The following REEP5 variants were observed in gnomAD, a reference collection of about 807,000 sequenced individuals.
REEP5 encodes receptor accessory protein 5.
REEP5 carries 24 observed loss-of-function variants against 22.4 expected under a neutral mutation model. The ratio of observed to expected loss-of-function variants is 1.07; its 90% CI spans 0.78 to 1.51. REEP5 has a LOEUF of 1.51. Among genes scored for constraint, REEP5 ranks in the 40% most tolerant of loss-of-function variants. REEP5 has a pLI of 0.00. For synonymous variants in REEP5, 103 were observed against 88.6 expected (o/e 1.16, Z -0.92); for missense variants, 252 against 233.0 (o/e 1.08, Z -0.53).
At position 112,902,365 on chromosome 5, in the gene REEP5, G is replaced by T. The variant is rs1348243431; in HGVS notation, c.351+15C>A. The T allele has an allele frequency of 6.3e-7, 1 of 1,599,880 alleles. No homozygotes were observed. On this transcript the variant is annotated intron_variant, in intron 3 of 4. Transcript: ENST00000379638. ...GTACTGAGATGGAGTTTTAGTGGTA[G>T]CAAGACCAACATACCTTCAGCATGT...
At chr5:112,914,821 C>CA (rs1326027193) in intron 2 of REEP5, among the ~76,000 whole-genome samples, 1 of 152,176 alleles carries the variant, frequency 6.6e-6, no homozygotes, top group Non-Finnish European at 1.5e-5. Flanking sequence ...ACACATGACT[C>CA]AGAGTGACTG....
chr5:112,905,566 AC>A (rs886966293), intron 2 of REEP5, among the ~76,000 whole-genome samples: 1 of 150,514 alleles, frequency 6.6e-6, no homozygotes, highest in African/African-American at 2.5e-5. Flanking sequence ...CAAAAAAAAA[AC>A]AAACTTGAGG....
At chr5:112,890,254 C>T (rs1768395450) in intron 3 of REEP5, among the ~76,000 whole-genome samples, 1 of 149,938 alleles carries the variant, frequency 6.7e-6, no homozygotes, top group Admixed American at 6.7e-5. Context: ...ACCATCACTG[C>T]AATCCAGGCT....
At chr5:112,891,949 T>C (rs781103889) in intron 3 of REEP5, 8 of 1,247,444 alleles carry the variant, frequency 6.4e-6, no homozygotes, top group Non-Finnish European at 2.4e-6. Context: ...GGCTAAAAAA[T>C]GGCTAGAAGA....
intron 2 of REEP5, among the ~76,000 whole-genome samples, chr5:112,918,051 C>A (rs1274974018): frequency 2.0e-5 from 3 of 152,218 alleles, no homozygotes; most frequent in Admixed American, 6.5e-5. Context: ...TTCCAGTAGT[C>A]TGCCTCCTGT....
intron 4 of REEP5, among the ~76,000 whole-genome samples, chr5:112,883,565 G>A (rs1768140712): frequency 6.6e-6 from 1 of 152,090 alleles, no homozygotes; most frequent in East Asian, 1.9e-4. Context: ...TTCAGTCTTT[G>A]GACCTCCTGT....
chr5:112,890,549 T>G (rs1244874202), intron 3 of REEP5, among the ~76,000 whole-genome samples: 1 of 150,082 alleles, frequency 6.7e-6, no homozygotes, highest in African/African-American at 2.5e-5. Context: ...GGCTAATTTT[T>G]GTACTTTTTG....
At chr5:112,914,694 G>A (rs544239020) in intron 2 of REEP5, among the ~76,000 whole-genome samples, 40 of 152,254 alleles carry the variant, frequency 2.6e-4, no homozygotes, top group Admixed American at 1.2e-3. Context: ...AACAACCTAA[G>A]CTGCCTTTTC....
At position 112,876,979 on chromosome 5, in the gene REEP5, G is replaced by C. The variant is rs1005848868; in HGVS notation, c.*1807C>G. 1 of 151,780 alleles carries C rather than the reference G, an allele frequency of 6.6e-6. No homozygotes were observed. Among genetic ancestry groups the C allele is most frequent in the African/African-American group, 2.4e-5 (1 of 41,330 alleles). 9.4% of individuals were successfully genotyped at this position (151,780 alleles called of 1,614,324 possible). ...ATCTGATTATATAGTCTATATGCTA[G>C]AAGTTGCTGATTTTCATTCTGCCAC... is the stretch of plus-strand genomic sequence containing the variant. On this transcript the variant is annotated 3_prime_UTR_variant, in exon 5 of 5. Transcript: ENST00000379638.
chr5:112,888,186 T>G (rs1768319596), intron 3 of REEP5, among the ~76,000 whole-genome samples: 1 of 152,246 alleles, frequency 6.6e-6, no homozygotes, highest in South Asian at 2.1e-4. Flanking sequence ...TTAGTCCTTA[T>G]GATTCCAAAC....
rs1767966449 is a variant in REEP5, at chr5:112,878,556, A to G, written c.*230T>C. On this transcript the variant is annotated 3_prime_UTR_variant, in exon 5 of 5. Coordinates refer to ENST00000379638, the MANE Select transcript of REEP5 (RefSeq NM_005669.5). ...ACATCTTTTCCTACCCAGAGGCAAA[A>G]TACATTTTCCAAAAACGTGGACACT... 1 of 531,138 alleles carries G rather than the reference A, an allele frequency of 1.9e-6. No individual in the cohort carries two copies. The highest frequency in any genetic ancestry group is 3.5e-5 in the South Asian group (1 of 28,178). The allele number at this position is 531,138 out of a possible 1,614,324, so 32.9% of individuals were successfully genotyped here.
intron 2 of REEP5, among the ~76,000 whole-genome samples, chr5:112,912,325 T>C (rs1769122721): frequency 1.3e-5 from 2 of 152,132 alleles, no homozygotes; most frequent in Admixed American, 1.3e-4. Flanking sequence ...TGACATAAAA[T>C]TAAGTAATAG....
At chr5:112,897,351 T>TCACACACGCACACA (rs1554093939) in intron 3 of REEP5, 1 of 97,790 alleles carries the variant, frequency 1.0e-5, no homozygotes, top group East Asian at 2.4e-4. Context: ...ACACATCCCA[T>TCACACACGCACACA]CACACACACA....
At chr5:112,921,894 C>G (rs151980) in intron 1 of REEP5, 179 bp downstream of exon 1, 326,254 of 713,424 alleles carry the variant, frequency 0.46, 77,798 homozygotes, top group African/African-American at 0.7. Flanking sequence ...GGGCAGCCCC[C>G]GCGGGGTCCT....
intron 3 of REEP5, among the ~76,000 whole-genome samples, chr5:112,889,622 T>C (rs753412272): frequency 8.6e-5 from 13 of 150,566 alleles, no homozygotes; most frequent in Non-Finnish European, 7.4e-5. Context: ...CTTTGAAATA[T>C]TTAAATGTAA....
chr5:112,905,986 C>T (rs1768949639), intron 2 of REEP5, among the ~76,000 whole-genome samples: 1 of 152,146 alleles, frequency 6.6e-6, no homozygotes, highest in Non-Finnish European at 1.5e-5. Flanking sequence ...GATTCTCCAA[C>T]AAAACACTCT....
At chr5:112,921,083 C>A in intron 2 of REEP5, 80 bp downstream of exon 2, 1 of 1,353,514 alleles carries the variant, frequency 7.4e-7, no homozygotes. Context: ...CCGGGAATTG[C>A]GGATGTGCAG....
At position 112,878,791 on chromosome 5, in the gene REEP5, T is replaced by C. The variant is rs1191537240; in HGVS notation, c.565A>G (p.Thr189Ala). The change falls in exon 5 of 5, where the codon ACC (threonine) becomes GCC (alanine). Residue 189 changes from threonine (T) to alanine (A), a missense_variant. By Grantham distance (58) the Thr-to-Ala change is moderately conservative. Transcript: ENST00000379638. The stretch of plus-strand genomic sequence containing the variant: ...AAGTTTCCATCCAGTCTGGTTTAGG[T>C]GCTCTTCTTTTCTTCACCCAGTAAA... The part of the protein sequence containing the change: ...VNLLGEEKKS[T>A] 6.2e-7 allele frequency: 1 copy of C among 1,614,010 alleles called. No individual in the cohort carries two copies. Among genetic ancestry groups the C allele is most frequent in the Non-Finnish European group, 8.5e-7 (1 of 1,180,022 alleles).
At chr5:112,892,851 G>C in intron 3 of REEP5, 1 of 1,613,600 alleles carries the variant, frequency 6.2e-7, no homozygotes. Context: ...AGAGAAAAAA[G>C]AGTAGTCATA....
Sources: gnomAD v4.1 joint callset for allele counts (sites outside exome capture counted in the v4.1 genomes callset) on GRCh38, gnomAD v4.1.1 for gene constraint, MANE v1.5 for transcripts, NCBI Gene and HGNC (gene_info 2026-07-23, HGNC 2026-07-21) for gene names.